LARGE1: variants seen among roughly 807,000 people sequenced by gnomAD.
The protein encoded by LARGE1 is xylosyl- and glucuronyltransferase LARGE1.
A neutral mutation model predicts 87.6 loss-of-function variants in LARGE1; 43 were observed. The ratio of observed to expected loss-of-function variants is 0.49; its 90% CI spans 0.38 to 0.63. The LOEUF (loss-of-function observed/expected upper bound fraction) is 0.63. Ranked by LOEUF, LARGE1 falls within the 30% of genes least tolerant of loss-of-function variation. The pLI is 0.00. For synonymous variants in LARGE1, 434 were observed against 394.6 expected (o/e 1.10, Z -1.18); for missense variants, 802 against 1,000.2 (o/e 0.80, Z 2.67).
rs139506694 is a variant in LARGE1, at chr22:33,526,089, T to C, written c.787+38759A>G. 3.2e-3 allele frequency among the ~76,000 whole-genome samples: 492 copies of C among 152,112 alleles called. 2 individuals are homozygous for C. The highest frequency in any genetic ancestry group is 0.011 in the African/African-American group (474 of 41,496). On this transcript the variant is annotated intron_variant, in intron 6 of 14. Coordinates refer to ENST00000397394, the MANE Select transcript of LARGE1 (RefSeq NM_133642.5). ...TGTGGTATATATCCATAAAGCGGAG[T>C]ATAATGCGGCCATAAAAAATGTGCT...
intron 2 of LARGE1, among the ~76,000 whole-genome samples, chr22:33,713,375 C>A (rs543616250): frequency 1.3e-5 from 2 of 152,124 alleles, no homozygotes; most frequent in Non-Finnish European, 2.9e-5. Context: ...CGCTAGGAAT[C>A]CCCCCTGCTA....
At position 33,358,720 on chromosome 22, in the gene LARGE1, C is replaced by T. The variant is rs185978368; in HGVS notation, c.1132-20919G>A. Among the ~76,000 whole-genome samples, 45 of 152,054 alleles carry T rather than the reference C, an allele frequency of 3.0e-4. 1 individual carries two copies. Among genetic ancestry groups the T allele is most frequent in the African/African-American group, 9.9e-4 (41 of 41,460 alleles). ...TTGTTTAAAATTCAAATGTCCTGGC[C>T]GGGTGCAGTGGCTCACAGCACTTTG... is the stretch of plus-strand genomic sequence containing the variant. On this transcript the variant is annotated intron_variant, in intron 9 of 14. Coordinates refer to ENST00000397394, the MANE Select transcript of LARGE1 (RefSeq NM_133642.5).
At chr22:33,196,520 A>T (rs1486511053) in intron 11 of LARGE1, among the ~76,000 whole-genome samples, 1 of 152,154 alleles carries the variant, frequency 6.6e-6, no homozygotes, top group African/African-American at 2.4e-5. Flanking sequence ...ATTTTTATTA[A>T]GAAAACATTA....
intron 1 of LARGE1, among the ~76,000 whole-genome samples, chr22:33,882,481 G>A (rs1384496273): frequency 6.6e-6 from 1 of 152,190 alleles, no homozygotes; most frequent in African/African-American, 2.4e-5. Flanking sequence ...AGGGGCAGGT[G>A]AGGGAAGCAG....
chr22:33,825,681 T>C (rs1351756242), intron 1 of LARGE1, among the ~76,000 whole-genome samples: 3 of 152,132 alleles, frequency 2.0e-5, no homozygotes, highest in East Asian at 1.9e-4. Flanking sequence ...GTCCCTCCCA[T>C]GACACTGGCG....
chr22:33,337,712 A>C lies in LARGE1; in HGVS notation c.1221T>G (p.Tyr407Ter). Residue 407 changes from tyrosine (Y) to a stop codon, truncating the protein, a stop_gained, in exon 10 of 15, where the codon TAT becomes TAG. Transcript: ENST00000397394. LOFTEE classifies it high-confidence loss of function. ...GTTCCCGCCTCAGAAGATTGCCGTC[A>C]TACTCCAGGAAGGTCAGGTAGAGGT... is the stretch of plus-strand genomic sequence containing the variant. ...FRNLYLTFLE[Y>*]DGNLLRRELF... 1 of 1,614,168 alleles carries C rather than the reference A, an allele frequency of 6.2e-7. No individual in the cohort carries two copies. Among genetic ancestry groups the C allele is most frequent in the Non-Finnish European group, 8.5e-7 (1 of 1,180,030 alleles).
chr22:33,391,415 G>A (rs2065517057), intron 7 of LARGE1, among the ~76,000 whole-genome samples: 1 of 152,110 alleles, frequency 6.6e-6, no homozygotes, highest in South Asian at 2.1e-4. Flanking sequence ...AACTGACTGT[G>A]TCTCAGGGGA....
chr22:33,323,813 G>A (rs1936973055), intron 10 of LARGE1, among the ~76,000 whole-genome samples: 1 of 152,158 alleles, frequency 6.6e-6, no homozygotes, highest in Admixed American at 6.5e-5. Context: ...ACTGTAAAGT[G>A]CTACCCAAAC....
chr22:33,816,862 G>A (rs2086668872), intron 1 of LARGE1, among the ~76,000 whole-genome samples: 1 of 152,040 alleles, frequency 6.6e-6, no homozygotes, highest in Non-Finnish European at 1.5e-5. Context: ...TCAAATTCCA[G>A]GATGCTCTCC....
intron 2 of LARGE1, among the ~76,000 whole-genome samples, chr22:33,721,489 G>T (rs1447255278): frequency 6.6e-6 from 1 of 152,130 alleles, no homozygotes; most frequent in African/African-American, 2.4e-5. Flanking sequence ...TAAATGTCTG[G>T]GTGAAATAGG....
At chr22:33,070,952 G>C in the LARGE1 span, among the ~76,000 whole-genome samples, 82 of 152,112 alleles carry the variant, frequency 5.4e-4, no homozygotes, top group Non-Finnish European at 1.0e-3. Flanking sequence ...GGCGTGATGT[G>C]ATCAGCCAGA....
intron 6 of LARGE1, among the ~76,000 whole-genome samples, chr22:33,475,203 A>G (rs2069019778): frequency 6.6e-6 from 1 of 152,160 alleles, no homozygotes; most frequent in Non-Finnish European, 1.5e-5. Flanking sequence ...TGGGACTACC[A>G]GGGTTTGAAT....
intron 6 of LARGE1, among the ~76,000 whole-genome samples, chr22:33,515,330 G>A (rs1306654763): frequency 1.3e-5 from 2 of 152,102 alleles, no homozygotes; most frequent in African/African-American, 2.4e-5. Context: ...TTGATGCACA[G>A]AGACCTAGAA....
chr22:33,283,091 A>G lies in LARGE1; in HGVS notation c.1877+111T>C, dbSNP rs1353045925. ...AAAGCGGTGCTTTCCTGGCCTCACAATGGACTAAGGCGAGCGACAAACTTC... is the reference window on the plus strand; with the variant it reads ...AAAGCGGTGCTTTCCTGGCCTCACAGTGGACTAAGGCGAGCGACAAACTTC... On this transcript the variant is annotated intron_variant, in intron 13 of 14. Transcript: ENST00000397394. The G allele has an allele frequency of 4.4e-6, 6 of 1,372,712 alleles. No homozygotes were observed. In the African/African-American group the frequency reaches 5.7e-5, roughly 13 times the overall value. 85.0% of individuals were successfully genotyped at this position (1,372,712 alleles called of 1,614,324 possible). A position where few individuals can be genotyped will look rare whatever the true frequency, so the allele number is the denominator to read the frequency against.
Position 33,696,251 on chromosome 22 carries a change from CTTTCTTTCTTTCTTTT to C in LARGE1, c.107-45599_107-45584del, listed in dbSNP as rs1238899818. Among the ~76,000 whole-genome samples the C allele has an allele frequency of 2.7e-5, 3 of 112,288 alleles. No homozygotes were observed. In the Admixed American group the frequency reaches 2.9e-4, roughly 11 times the overall value. 73.7% of individuals were successfully genotyped at this position (112,288 alleles called of 152,430 possible). ...ATTCAGTATTTTTCTTTCTTTCTTTCTTTCTTTCTTTCTTTTTTTTTTTTTTTTTGAGACAGAGTCT... is the reference window on the plus strand; with the variant it reads ...ATTCAGTATTTTTCTTTCTTTCTTTCTTTTTTTTTTTTTGAGACAGAGTCT... On this transcript the variant is annotated intron_variant, in intron 2 of 14. Transcript: ENST00000397394.
chr22:33,242,844 C>A (rs114185977), intron 11 of LARGE1, among the ~76,000 whole-genome samples: 1,692 of 152,254 alleles, frequency 0.011, 30 homozygotes, highest in African/African-American at 0.035. Flanking sequence ...TGAAGAACAG[C>A]CTGCCCCATG....
chr22:33,446,692 C>T (rs1215348831), intron 6 of LARGE1, among the ~76,000 whole-genome samples: 1 of 152,098 alleles, frequency 6.6e-6, no homozygotes, highest in Non-Finnish European at 1.5e-5. Context: ...GGTCTGGGGG[C>T]CTTGTGGTCA....
chr22:33,887,855 C>G (rs942325014), intron 1 of LARGE1, among the ~76,000 whole-genome samples: 1 of 152,202 alleles, frequency 6.6e-6, no homozygotes, highest in Non-Finnish European at 1.5e-5. Context: ...GAAATCAAAA[C>G]AAACTTACAA....
At chr22:33,754,341 T>C (rs1257957675) in intron 2 of LARGE1, among the ~76,000 whole-genome samples, 1 of 105,920 alleles carries the variant, frequency 9.4e-6, no homozygotes, top group Non-Finnish European at 1.8e-5. Flanking sequence ...GAAAAAGTTC[T>C]TTTTTTTTTT....
Sources: gnomAD v4.1 joint callset for allele counts (sites outside exome capture counted in the v4.1 genomes callset) on GRCh38, gnomAD v4.1.1 for gene constraint, MANE v1.5 for transcripts, NCBI Gene and HGNC (gene_info 2026-07-23, HGNC 2026-07-21) for gene names.